BACH2: variants seen among roughly 807,000 people sequenced by gnomAD.
The protein encoded by BACH2 is BACH transcriptional regulator 2.
BACH2 carries 5 observed loss-of-function variants against 61.8 expected under a neutral mutation model. The ratio of observed to expected loss-of-function variants is 0.08; its 90% CI spans 0.04 to 0.17. The LOEUF (loss-of-function observed/expected upper bound fraction) is 0.17, where lower values mean the gene tolerates loss of function less well. BACH2 is among the 10% of genes least tolerant of loss of function. BACH2 has a pLI of 1.00. For synonymous variants in BACH2, 446 were observed against 440.1 expected (o/e 1.01, Z -0.17); for missense variants, 824 against 1,091.1 (o/e 0.76, Z 3.45).
At chr6:90,031,675 C>G (rs1778990317) in intron 5 of BACH2, among the ~76,000 whole-genome samples, 1 of 152,130 alleles carries the variant, frequency 6.6e-6, no homozygotes, top group Non-Finnish European at 1.5e-5. Flanking sequence ...TCAAGGAGAA[C>G]TACAAGCCAC....
chr6:90,149,285 G>A (rs1784731076), intron 4 of BACH2, among the ~76,000 whole-genome samples: 2 of 152,232 alleles, frequency 1.3e-5, no homozygotes, highest in Admixed American at 1.3e-4. Flanking sequence ...GTTTACTCAT[G>A]TAATGCTCAA....
At chr6:90,193,129 C>T (rs140621358) in intron 4 of BACH2, among the ~76,000 whole-genome samples, 4 of 152,282 alleles carry the variant, frequency 2.6e-5, no homozygotes, top group Admixed American at 6.5e-5. Context: ...TACTTCAAGG[C>T]GACTGTGATT....
intron 3 of BACH2, among the ~76,000 whole-genome samples, chr6:90,241,931 TTTTC>T (rs1333855544): frequency 6.6e-6 from 1 of 151,594 alleles, no homozygotes; most frequent in East Asian, 1.9e-4. Flanking sequence ...TCTATCCTGA[TTTTC>T]TTTTTTTTTT....
intron 6 of BACH2, among the ~76,000 whole-genome samples, chr6:89,981,532 T>G (rs955179590): frequency 3.9e-5 from 6 of 152,188 alleles, no homozygotes; most frequent in African/African-American, 1.4e-4. Flanking sequence ...CAATCGATAT[T>G]CATGTTCCCT....
At chr6:90,293,044 A>G (rs1231371464) in intron 1 of BACH2, among the ~76,000 whole-genome samples, 2 of 152,150 alleles carry the variant, frequency 1.3e-5, no homozygotes, top group Non-Finnish European at 2.9e-5. Context: ...GAAAAATGAA[A>G]ACGAGGGGCC....
chr6:89,947,688 C>T (rs1456338048), intron 7 of BACH2, among the ~76,000 whole-genome samples: 3 of 151,970 alleles, frequency 2.0e-5, no homozygotes, highest in African/African-American at 7.2e-5. Context: ...GCCTCAGCCT[C>T]CTGAGTAGCT....
intron 4 of BACH2, among the ~76,000 whole-genome samples, chr6:90,198,074 G>A (rs1191265328): frequency 1.3e-5 from 2 of 152,212 alleles, no homozygotes; most frequent in African/African-American, 4.8e-5. Context: ...AGCTCTGCCT[G>A]TTATGTAACC....
intron 4 of BACH2, among the ~76,000 whole-genome samples, chr6:90,095,087 C>G (rs1223738276): frequency 6.6e-6 from 1 of 152,154 alleles, no homozygotes; most frequent in Non-Finnish European, 1.5e-5. Flanking sequence ...TAACAAACAT[C>G]TTGAGAGTGG....
intron 3 of BACH2, among the ~76,000 whole-genome samples, chr6:90,222,872 C>A (rs1041788373): frequency 5.9e-5 from 9 of 152,078 alleles, no homozygotes; most frequent in Middle Eastern, 3.2e-3. Context: ...CCTGCACTGT[C>A]CTTAGTCATC....
chr6:89,955,262 G>A (rs943951725), intron 6 of BACH2, among the ~76,000 whole-genome samples: 8 of 152,184 alleles, frequency 5.3e-5, no homozygotes, highest in African/African-American at 1.9e-4. Context: ...GATATGTGTA[G>A]GACTCAGGCC....
At chr6:90,103,877 T>C (rs1782784335) in intron 4 of BACH2, among the ~76,000 whole-genome samples, 1 of 152,336 alleles carries the variant, frequency 6.6e-6, no homozygotes, top group Middle Eastern at 3.4e-3. Context: ...TTGTTCTTCA[T>C]ATATGTATTT....
intron 2 of BACH2, among the ~76,000 whole-genome samples, chr6:90,271,249 G>A (rs764686700): frequency 7.9e-5 from 12 of 151,216 alleles, no homozygotes; most frequent in Admixed American, 3.3e-4. Flanking sequence ...AAAATCAACA[G>A]AGTAAAAAGA....
intron 6 of BACH2, among the ~76,000 whole-genome samples, chr6:89,987,575 A>G (rs962035887): frequency 7.9e-5 from 12 of 152,164 alleles, no homozygotes; most frequent in African/African-American, 2.9e-4. Context: ...TTCATGCCAG[A>G]GGGTGTAAAC....
chr6:90,193,613 G>A (rs867325524), intron 4 of BACH2, among the ~76,000 whole-genome samples: 15 of 152,134 alleles, frequency 9.9e-5, no homozygotes, highest in African/African-American at 3.6e-4. Flanking sequence ...GCCAGAAGAC[G>A]GAAGGCACCT....
At chr6:90,114,473 A>C (rs1367349854) in intron 4 of BACH2, among the ~76,000 whole-genome samples, 1 of 152,192 alleles carries the variant, frequency 6.6e-6, no homozygotes, top group East Asian at 1.9e-4. Flanking sequence ...ACATCTCTTC[A>C]TGTTAAAAAC....
chr6:90,117,570 C>T (rs1783456120), intron 4 of BACH2, among the ~76,000 whole-genome samples: 1 of 151,714 alleles, frequency 6.6e-6, no homozygotes, highest in South Asian at 2.1e-4. Flanking sequence ...CAACTGTAAG[C>T]TCCTTAAGGG....
At chr6:90,024,596 A>G (rs770067533) in intron 5 of BACH2, among the ~76,000 whole-genome samples, 17 of 152,194 alleles carry the variant, frequency 1.1e-4, no homozygotes, top group Non-Finnish European at 2.2e-4. Flanking sequence ...TGGTTCTATG[A>G]AAGTATAGGA....
At chr6:90,089,807 C>T (rs1356288798) in intron 4 of BACH2, among the ~76,000 whole-genome samples, 1 of 152,014 alleles carries the variant, frequency 6.6e-6, no homozygotes, top group African/African-American at 2.4e-5. Flanking sequence ...GATGCAGCTA[C>T]CATTTATTAC....
chr6:90,254,970 A>T (rs679528), intron 2 of BACH2, among the ~76,000 whole-genome samples: 11,153 of 152,206 alleles, frequency 0.073, 1,313 homozygotes, highest in African/African-American at 0.25. Flanking sequence ...TCAAGATTGT[A>T]AATACAGTGG....
Sources: allele counts gnomAD v4.1 joint callset (sites outside exome capture counted in the v4.1 genomes callset), GRCh38; gene constraint gnomAD v4.1.1; transcripts MANE v1.5; gene names NCBI Gene and HGNC (gene_info 2026-07-23, HGNC 2026-07-21).